Variants in GALNT13 observed in about 807,000 individuals in gnomAD.
GALNT13 encodes UDP-GalNAc:polypeptide N-acetylgalactosaminyltransferase 13.
In GALNT13, 28 loss-of-function variants were observed where a neutral mutation model predicts 64.2. That is an observed-to-expected ratio of 0.44 (90% confidence interval 0.32 to 0.60). The LOEUF (loss-of-function observed/expected upper bound fraction) is 0.60, where lower values mean the gene tolerates loss of function less well. GALNT13 is among the 20% of genes least tolerant of loss of function. GALNT13 has a pLI of 0.05. For missense variants in GALNT13, 577 were observed against 669.8 expected (o/e 0.86, Z 1.53); for synonymous variants, 214 against 224.6 (o/e 0.95, Z 0.42).
chr2:153,561,683 A>G, the GALNT13 span, among the ~76,000 whole-genome samples: 1 of 134,388 alleles, frequency 7.4e-6, no homozygotes, highest in African/African-American at 3.1e-5. Flanking sequence ...TGTATTAATC[A>G]CCACTTAGGT....
the GALNT13 span, among the ~76,000 whole-genome samples, chr2:153,091,223 C>T: frequency 6.6e-6 from 1 of 152,096 alleles, no homozygotes; most frequent in Non-Finnish European, 1.5e-5. Context: ...TGGCTGCCTT[C>T]CCCAAGAACC....
chr2:154,383,885 T>G (rs1698389762), intron 9 of GALNT13, among the ~76,000 whole-genome samples: 1 of 143,700 alleles, frequency 7.0e-6, no homozygotes, highest in Admixed American at 7.0e-5. Flanking sequence ...TAGAGATATA[T>G]TTCTAAAACA....
chr2:153,336,626 C>T, the GALNT13 span, among the ~76,000 whole-genome samples: 1 of 152,172 alleles, frequency 6.6e-6, no homozygotes, highest in Non-Finnish European at 1.5e-5. Flanking sequence ...TTTGATTTTA[C>T]AGGCTCCTAG....
chr2:154,157,156 TTC>T (rs1426567026), intron 4 of GALNT13, among the ~76,000 whole-genome samples: 1 of 152,112 alleles, frequency 6.6e-6, no homozygotes, highest in African/African-American at 2.4e-5. Context: ...TTATCTTACC[TTC>T]TGTTTCACTG....
At chr2:153,732,499 A>T in the GALNT13 span, among the ~76,000 whole-genome samples, 2 of 152,010 alleles carry the variant, frequency 1.3e-5, no homozygotes, top group African/African-American at 4.8e-5. Context: ...GAGAGACCAG[A>T]TAGTTTTTGT....
intron 2 of GALNT13, among the ~76,000 whole-genome samples, chr2:153,911,662 ATG>A (rs1688950580): frequency 6.6e-6 from 1 of 152,082 alleles, no homozygotes; most frequent in Admixed American, 6.5e-5. Flanking sequence ...TCCTTCGCTT[ATG>A]AAGCTTAGTT....
the GALNT13 span, among the ~76,000 whole-genome samples, chr2:153,724,469 C>A: frequency 8.6e-5 from 9 of 105,064 alleles, no homozygotes; most frequent in Admixed American, 6.9e-4. Context: ...TCTAATTAAA[C>A]TAAAGAGCTT....
chr2:153,427,618 T>G, the GALNT13 span, among the ~76,000 whole-genome samples: 2 of 152,172 alleles, frequency 1.3e-5, no homozygotes, highest in South Asian at 4.1e-4. Flanking sequence ...AGTTAAAGTT[T>G]GAAATGTTTG....
the GALNT13 span, among the ~76,000 whole-genome samples, chr2:153,255,193 T>C: frequency 3.4e-5 from 5 of 148,982 alleles, no homozygotes; most frequent in East Asian, 9.7e-4. Flanking sequence ...TTAGCTCTTC[T>C]TGTTGAATTG....
intron 12 of GALNT13, among the ~76,000 whole-genome samples, chr2:154,447,022 T>A (rs1701619833): frequency 6.6e-6 from 1 of 151,708 alleles, no homozygotes; most frequent in Non-Finnish European, 1.5e-5. Context: ...TGCATAAATA[T>A]ACTTGATGAA....
Position 154,025,509 on chromosome 2 carries a change from G to A in GALNT13, c.142+80870G>A, listed in dbSNP as rs185601750. Among the ~76,000 whole-genome samples, 4 of 150,098 alleles carry A rather than the reference G, an allele frequency of 2.7e-5. No individual in the cohort carries two copies. The East Asian group carries it at 8.0e-4, about 30-fold the overall frequency. On this transcript the variant is annotated intron_variant, in intron 3 of 12. Transcript: ENST00000392825. ...AACAGTATGTACAGTTTTACATTGT[G>A]TTATTTTTATGTAACAAAATGAAGT... is the stretch of plus-strand genomic sequence containing the variant.
chr2:153,522,080 A>G, the GALNT13 span, among the ~76,000 whole-genome samples: 4 of 152,136 alleles, frequency 2.6e-5, no homozygotes, highest in Non-Finnish European at 5.9e-5. Context: ...CATGCCTGTA[A>G]TCCCAGCTCT....
intron 8 of GALNT13, among the ~76,000 whole-genome samples, chr2:154,300,547 A>G (rs1693382913): frequency 1.3e-5 from 2 of 152,114 alleles, no homozygotes; most frequent in Admixed American, 6.5e-5. Flanking sequence ...ATTTATTGTG[A>G]CAAGAAAACC....
At chr2:153,552,675 A>C in the GALNT13 span, among the ~76,000 whole-genome samples, 3 of 151,010 alleles carry the variant, frequency 2.0e-5, no homozygotes, top group Non-Finnish European at 4.4e-5. Context: ...TTGATAAAAG[A>C]AGCAATGGTA....
intron 4 of GALNT13, among the ~76,000 whole-genome samples, chr2:154,210,815 G>A (rs993131317): frequency 6.6e-6 from 1 of 152,140 alleles, no homozygotes; most frequent in Non-Finnish European, 1.5e-5. Flanking sequence ...TTTTAGCTAA[G>A]AAAGTATAGT....
chr2:153,445,254 A>G, the GALNT13 span, among the ~76,000 whole-genome samples: 1 of 152,228 alleles, frequency 6.6e-6, no homozygotes, highest in Non-Finnish European at 1.5e-5. Context: ...TAGAATATCC[A>G]TAATTATGCT....
chr2:154,032,386 A>G (rs1698393239), intron 3 of GALNT13, among the ~76,000 whole-genome samples: 1 of 151,994 alleles, frequency 6.6e-6, no homozygotes, highest in Non-Finnish European at 1.5e-5. Flanking sequence ...CTACCCAGTC[A>G]CTTCCCGAAA....
intron 3 of GALNT13, among the ~76,000 whole-genome samples, chr2:154,073,885 G>A (rs1292945782): frequency 6.6e-6 from 1 of 151,732 alleles, no homozygotes; most frequent in Non-Finnish European, 1.5e-5. Flanking sequence ...ACATACTATA[G>A]CAAATTGAAT....
At chr2:153,854,912 T>C in the GALNT13 span, among the ~76,000 whole-genome samples, 1 of 152,286 alleles carries the variant, frequency 6.6e-6, no homozygotes, top group East Asian at 1.9e-4. Context: ...AACATTATCA[T>C]TCTACATTAA....
Sources: allele counts gnomAD v4.1 joint callset (sites outside exome capture counted in the v4.1 genomes callset), GRCh38; gene constraint gnomAD v4.1.1; transcripts MANE v1.5; gene names NCBI Gene and HGNC (gene_info 2026-07-23, HGNC 2026-07-21).